IMMP2L: variants seen among roughly 807,000 people sequenced by gnomAD.
IMMP2L encodes inner mitochondrial membrane peptidase subunit 2.
A neutral mutation model predicts 19.3 loss-of-function variants in IMMP2L; 18 were observed. That is an observed-to-expected ratio of 0.93 (90% CI 0.64 to 1.38). The LOEUF (loss-of-function observed/expected upper bound fraction) is 1.38. IMMP2L is among the 40% of genes most tolerant of loss of function. IMMP2L has a pLI of 0.00. For synonymous variants in IMMP2L, 76 were observed against 73.0 expected (o/e 1.04, Z -0.21); for missense variants, 233 against 218.2 (o/e 1.07, Z -0.43).
chr7:110,954,123 T>C (rs1430136812), intron 4 of IMMP2L, among the ~76,000 whole-genome samples: 1 of 152,098 alleles, frequency 6.6e-6, no homozygotes, highest in Non-Finnish European at 1.5e-5. Flanking sequence ...TTATGTTTTA[T>C]GCTTTAGTGT....
chr7:111,436,018 G>T lies in IMMP2L; in HGVS notation c.239+51220C>A, dbSNP rs114511756. 5.1e-3 allele frequency among the ~76,000 whole-genome samples: 780 copies of T among 151,780 alleles called. 26 individuals carry two copies. Among genetic ancestry groups the T allele is most frequent in the African/African-American group, 0.018 (756 of 41,146 alleles). On this transcript the variant is annotated intron_variant, in intron 3 of 5. Transcript: ENST00000405709. ...GGGATTTTCTTCAACTTATTGCCAT[G>T]CATACCAGGTGTCCTGCCAGACCTC... is the stretch of plus-strand genomic sequence containing the variant.
At chr7:111,466,573 T>G (rs1563227557) in intron 3 of IMMP2L, among the ~76,000 whole-genome samples, 1 of 152,160 alleles carries the variant, frequency 6.6e-6, no homozygotes, top group Non-Finnish European at 1.5e-5. Context: ...CTGTATAAAA[T>G]GGCCCTGAGA....
chr7:111,022,844 A>T (rs1826426787), intron 3 of IMMP2L, among the ~76,000 whole-genome samples: 1 of 151,438 alleles, frequency 6.6e-6, no homozygotes, highest in South Asian at 2.1e-4. Context: ...AACTCTGATC[A>T]GAAATAAGTT....
chr7:111,353,613 T>C (rs1022815488), intron 3 of IMMP2L, among the ~76,000 whole-genome samples: 1 of 152,130 alleles, frequency 6.6e-6, no homozygotes, highest in Non-Finnish European at 1.5e-5. Context: ...TTAACTTTTC[T>C]TTATTGCATT....
chr7:110,751,891 A>G (rs1394324462), intron 5 of IMMP2L, among the ~76,000 whole-genome samples: 1 of 152,074 alleles, frequency 6.6e-6, no homozygotes, highest in Admixed American at 6.6e-5. Context: ...CATGCATCCC[A>G]AAACCTTTAA....
chr7:111,129,445 T>C (rs1377585488), intron 3 of IMMP2L, among the ~76,000 whole-genome samples: 1 of 150,938 alleles, frequency 6.6e-6, no homozygotes, highest in Non-Finnish European at 1.5e-5. Flanking sequence ...ATTACCATTA[T>C]ATATTACTAT....
At position 110,706,863 on chromosome 7, in the gene IMMP2L, G is replaced by A. The variant is rs73208735; in HGVS notation, c.409-43142C>T. On this transcript the variant is annotated intron_variant, in intron 5 of 5. Transcript: ENST00000405709. ...TCCTTAGTTTAATTAGGTCCCACTC[G>A]TCAATTTTTGTTTTTGCTGTAATTT... Among the ~76,000 whole-genome samples, 27 of 151,912 alleles carry A rather than the reference G, an allele frequency of 1.8e-4. No homozygotes were observed. The South Asian group carries it at 3.3e-3, about 19-fold the overall frequency.
At chr7:111,322,980 G>A (rs372305214) in intron 3 of IMMP2L, among the ~76,000 whole-genome samples, 1 of 151,056 alleles carries the variant, frequency 6.6e-6, no homozygotes, top group East Asian at 1.9e-4. Flanking sequence ...TGTTTTACAC[G>A]GACGGCTGCA....
chr7:111,398,882 CAAAA>C (rs756718840), intron 3 of IMMP2L, among the ~76,000 whole-genome samples: 2 of 104,758 alleles, frequency 1.9e-5, no homozygotes, highest in Non-Finnish European at 2.1e-5. Context: ...ACAATAGCTG[CAAAA>C]AAAAAAAAAA....
Position 111,096,990 on chromosome 7 carries a change from ATCT to A in IMMP2L, c.240-133428_240-133426del, listed in dbSNP as rs1351035486. The A allele has an allele frequency of 4.6e-5, 7 of 151,916 alleles. 1 individual carries two copies. In the East Asian group the frequency reaches 1.4e-3, roughly 29 times the overall value. The allele number at this position is 151,916 out of a possible 1,614,324, so 9.4% of individuals were successfully genotyped here. ...AAATGAATAAAAATCCCTTTAAAAA[ATCT>A]TCTAAAGTTTGTCATTTCACGCTTT... On this transcript the variant is annotated intron_variant, in intron 3 of 5. Coordinates refer to ENST00000405709, the MANE Select transcript of IMMP2L (RefSeq NM_032549.4).
At chr7:110,693,276 A>G (rs1793637480) in intron 5 of IMMP2L, among the ~76,000 whole-genome samples, 1 of 152,194 alleles carries the variant, frequency 6.6e-6, no homozygotes, top group Non-Finnish European at 1.5e-5. Context: ...ACCATATAGG[A>G]AAATCGCATC....
intron 5 of IMMP2L, among the ~76,000 whole-genome samples, chr7:110,761,398 T>C (rs1344600573): frequency 1.3e-5 from 2 of 152,108 alleles, no homozygotes. Flanking sequence ...AGATTCGATA[T>C]AGTACTAGGG....
At chr7:110,790,493 T>C (rs1800390713) in intron 5 of IMMP2L, among the ~76,000 whole-genome samples, 1 of 151,758 alleles carries the variant, frequency 6.6e-6, no homozygotes, top group Non-Finnish European at 1.5e-5. Context: ...CAAGAGATCA[T>C]GGTGGCTTGA....
At chr7:110,868,351 A>G (rs1236037289) in intron 5 of IMMP2L, among the ~76,000 whole-genome samples, 1 of 152,106 alleles carries the variant, frequency 6.6e-6, no homozygotes, top group East Asian at 1.9e-4. Context: ...AGGAATAGTA[A>G]TTATGTTGGA....
chr7:110,722,421 G>A (rs1314156964), intron 5 of IMMP2L, among the ~76,000 whole-genome samples: 1 of 151,972 alleles, frequency 6.6e-6, no homozygotes, highest in Non-Finnish European at 1.5e-5. Flanking sequence ...AGTTGCCAGT[G>A]CACACCTAGG....
intron 5 of IMMP2L, among the ~76,000 whole-genome samples, chr7:110,858,753 C>A (rs1807068797): frequency 1.3e-5 from 2 of 151,894 alleles, no homozygotes; most frequent in African/African-American, 2.4e-5. Flanking sequence ...TCCCTCCCTC[C>A]TCCCCCGACC....
chr7:111,032,065 A>G (rs989455255), intron 3 of IMMP2L, among the ~76,000 whole-genome samples: 2 of 151,476 alleles, frequency 1.3e-5, no homozygotes, highest in African/African-American at 4.9e-5. Flanking sequence ...CAGCCACCCA[A>G]GTAGCTGGAA....
At chr7:110,749,748 G>T (rs1002681969) in intron 5 of IMMP2L, among the ~76,000 whole-genome samples, 9 of 152,102 alleles carry the variant, frequency 5.9e-5, no homozygotes, top group African/African-American at 1.7e-4. Context: ...GCCTGTCAGG[G>T]GTTGGGGGCC....
In IMMP2L at chr7:110,744,203, C is replaced by G. The variant is rs182878844; in HGVS notation, c.409-80482G>C. Among the ~76,000 whole-genome samples the G allele has an allele frequency of 4.6e-3, 705 of 152,280 alleles. 8 individuals are homozygous for G. Among genetic ancestry groups the G allele is most frequent in the Non-Finnish European group, 5.2e-3 (355 of 68,028 alleles). On this transcript the variant is annotated intron_variant, in intron 5 of 5. Transcript: ENST00000405709. ...AAAGGCTGCTGCAGCCAGACTGTCT[C>G]CTCTCTGAGCAGGGAATCTCTGAAA...
Sources: allele counts gnomAD v4.1 joint callset (sites outside exome capture counted in the v4.1 genomes callset), GRCh38; gene constraint gnomAD v4.1.1; transcripts MANE v1.5; gene names NCBI Gene and HGNC (gene_info 2026-07-23, HGNC 2026-07-21).